SLC17A1: variants seen among roughly 807,000 people sequenced by gnomAD.
The protein encoded by SLC17A1 is sodium-dependent phosphate transport protein 1.
A neutral mutation model predicts 53.5 loss-of-function variants in SLC17A1; 51 were observed. That is an observed-to-expected ratio of 0.95 (90% CI 0.76 to 1.20). The LOEUF is 1.20. Ranked by LOEUF, SLC17A1 falls within the 50% of genes most tolerant of loss-of-function variation. The pLI, the probability that SLC17A1 is intolerant of heterozygous loss-of-function variation, is 0.00. For synonymous variants in SLC17A1, 179 were observed against 198.8 expected, an observed-to-expected ratio of 0.90 and a Z score of 0.84; for missense variants, 538 against 568.2, an observed-to-expected ratio of 0.95 and a Z score of 0.54.
At chr6:25,729,245 C>T in the SLC17A1 span, among the ~76,000 whole-genome samples, 1 of 152,184 alleles carries the variant, frequency 6.6e-6, no homozygotes, top group African/African-American at 2.4e-5. Context: ...GAAATGCTAG[C>T]TGAACTGGTT....
At chr6:25,737,376 C>T in the SLC17A1 span, among the ~76,000 whole-genome samples, 1 of 152,042 alleles carries the variant, frequency 6.6e-6, no homozygotes, top group Non-Finnish European at 1.5e-5. Context: ...TTTCCCTATC[C>T]CTATGATTGC....
chr6:25,757,921 C>A, the SLC17A1 span, among the ~76,000 whole-genome samples: 4 of 152,158 alleles, frequency 2.6e-5, no homozygotes, highest in Non-Finnish European at 5.9e-5. Context: ...CTTTTGGGGT[C>A]GTGTGGCTTC....
the SLC17A1 span, among the ~76,000 whole-genome samples, chr6:25,753,465 G>A: frequency 6.6e-6 from 1 of 152,098 alleles, no homozygotes. Flanking sequence ...CCTGCTATGT[G>A]GGGTGGATTA....
chr6:25,748,494 C>T, the SLC17A1 span, among the ~76,000 whole-genome samples: 3 of 152,066 alleles, frequency 2.0e-5, no homozygotes, highest in African/African-American at 7.2e-5. Flanking sequence ...GAAGGGATGG[C>T]CTGCCCCTCC....
intron 10 of SLC17A1, among the ~76,000 whole-genome samples, chr6:25,801,693 CAG>C (rs1434131517): frequency 6.6e-6 from 1 of 152,164 alleles, no homozygotes; most frequent in African/African-American, 2.4e-5. Context: ...AGGCAGAGTT[CAG>C]AGTTTCTTGT....
intron 12 of SLC17A1, among the ~76,000 whole-genome samples, chr6:25,786,741 G>T (rs1181357161): frequency 2.0e-5 from 3 of 152,108 alleles, no homozygotes; most frequent in Non-Finnish European, 4.4e-5. Context: ...TTCCATGCCT[G>T]CTTCCCCTCC....
chr6:25,810,428 A>T (rs1764112906), intron 10 of SLC17A1, among the ~76,000 whole-genome samples: 1 of 152,088 alleles, frequency 6.6e-6, no homozygotes, highest in African/African-American at 2.4e-5. Flanking sequence ...AAACAACCCA[A>T]TTAAAAAATG....
chr6:25,730,169 A>G, the SLC17A1 span, among the ~76,000 whole-genome samples: 2 of 152,200 alleles, frequency 1.3e-5, no homozygotes, highest in African/African-American at 4.8e-5. Context: ...TATATATTGA[A>G]AGGAAATAAA....
chr6:25,773,655 T>G, the SLC17A1 span: 1 of 1,613,496 alleles, frequency 6.2e-7, no homozygotes, highest in Non-Finnish European at 8.5e-7. Context: ...AGCTCGGTAC[T>G]TCAAGCCAAC....
chr6:25,826,631 G>A lies in SLC17A1; in HGVS notation c.37C>T (p.Pro13Ser). 1 of 1,560,962 alleles carries A rather than the reference G, an allele frequency of 6.4e-7. No individual in the cohort carries two copies. The highest frequency in any genetic ancestry group is 8.7e-7 in the Non-Finnish European group (1 of 1,150,484). ...MDNRLPPKKV[P>S]GFCSFRYGLS... ...CCATAGCGAAAGGAACAGAAACCTGGAACTACAAAGTAAAACAGAAAGTCG... is the reference window on the plus strand; with the variant it reads ...CCATAGCGAAAGGAACAGAAACCTGAAACTACAAAGTAAAACAGAAAGTCG... Residue 13 changes from proline to serine, a missense_variant and splice_region_variant, in exon 3 of 13, where the codon CCA becomes TCA. Physicochemically the swap from Pro to Ser is moderately conservative, Grantham distance 74. Coordinates refer to ENST00000244527, the MANE Select transcript of SLC17A1 (RefSeq NM_005074.5).
the SLC17A1 span, chr6:25,768,893 C>A: frequency 8.4e-7 from 1 of 1,186,940 alleles, no homozygotes; most frequent in South Asian, 1.3e-5. Flanking sequence ...TTCTGCATCT[C>A]AGACAGATAC....
chr6:25,726,894 A>C, the SLC17A1 span: 1 of 1,605,826 alleles, frequency 6.2e-7, no homozygotes, highest in Non-Finnish European at 8.5e-7. Flanking sequence ...AACGCTGCAG[A>C]AGTGTGTGGT....
At chr6:25,731,663 A>C in the SLC17A1 span, 1 of 632,592 alleles carries the variant, frequency 1.6e-6, no homozygotes. Flanking sequence ...AAAAATTATC[A>C]GTCTGGCAAC....
chr6:25,731,873 C>G, the SLC17A1 span: 1 of 1,603,066 alleles, frequency 6.2e-7, no homozygotes, highest in Non-Finnish European at 8.5e-7. Flanking sequence ...GGCGCACGGC[C>G]GTCTGGATCT....
At chr6:25,797,754 C>T (rs146407725) in intron 12 of SLC17A1, among the ~76,000 whole-genome samples, 173 of 152,136 alleles carry the variant, frequency 1.1e-3, no homozygotes, top group Non-Finnish European at 1.6e-3. Flanking sequence ...TGCCCACCAC[C>T]GCGCCTGGCT....
chr6:25,807,564 A>G (rs1764002543), intron 10 of SLC17A1, among the ~76,000 whole-genome samples: 2 of 151,964 alleles, frequency 1.3e-5, no homozygotes, highest in African/African-American at 4.8e-5. Context: ...CCATCATCTG[A>G]GCAGTGCACA....
the SLC17A1 span, among the ~76,000 whole-genome samples, chr6:25,740,432 TAA>T: frequency 2.0e-5 from 3 of 152,200 alleles, no homozygotes; most frequent in Non-Finnish European, 4.4e-5. Context: ...TTGATTAATA[TAA>T]GTTATTTGTT....
chr6:25,727,527 G>A, the SLC17A1 span, among the ~76,000 whole-genome samples: 117 of 151,236 alleles, frequency 7.7e-4, no homozygotes, highest in Middle Eastern at 3.4e-3. Flanking sequence ...GAGCAGCTGG[G>A]ACTACAGGCT....
At chr6:25,800,343 TAATCTCTG>T (rs1452828490) in intron 11 of SLC17A1, among the ~76,000 whole-genome samples, 1 of 152,114 alleles carries the variant, frequency 6.6e-6, no homozygotes, top group Non-Finnish European at 1.5e-5. Context: ...CTTTCATTTT[TAATCTCTG>T]AAATGTTCTT....
Sources: allele counts gnomAD v4.1 joint callset (sites outside exome capture counted in the v4.1 genomes callset), GRCh38; gene constraint gnomAD v4.1.1; transcripts MANE v1.5; gene names NCBI Gene and HGNC (gene_info 2026-07-23, HGNC 2026-07-21).